XKR6: variants seen among roughly 807,000 people sequenced by gnomAD.
XKR6 encodes the protein XK related 6.
Under a neutral mutation model 56.7 loss-of-function variants are expected in XKR6, and 22 were observed. That is an observed-to-expected ratio of 0.39 (90% CI 0.28 to 0.55). The LOEUF (loss-of-function observed/expected upper bound fraction) is 0.55. Among genes scored for constraint, XKR6 ranks in the 20% least tolerant of loss-of-function variants. The pLI, the probability that XKR6 is intolerant of heterozygous loss-of-function variation, is 0.66. For missense variants in XKR6, 852 were observed against 889.0 expected (o/e 0.96, Z 0.53); for synonymous variants, 524 against 387.8 (o/e 1.35, Z -4.13).
In XKR6 at chr8:11,039,156, G is replaced by A. The variant is rs181303303; in HGVS notation, c.765-114326C>T. 1.1e-4 allele frequency among the ~76,000 whole-genome samples: 16 copies of A among 152,292 alleles called. No homozygotes were observed. In the South Asian group the frequency reaches 2.9e-3, roughly 28 times the overall value. Reference sequence around the variant, plus strand: ...GAGGACAAGAAGGGAAGCACACGCCGCCCCACTCAGCTGCCCTAGAAATGC... The same window carrying A: ...GAGGACAAGAAGGGAAGCACACGCCACCCCACTCAGCTGCCCTAGAAATGC... On this transcript the variant is annotated intron_variant, in intron 1 of 2. Coordinates refer to ENST00000416569, the MANE Select transcript of XKR6 (RefSeq NM_173683.4).
chr8:11,180,259 G>C (rs936685883), intron 1 of XKR6, among the ~76,000 whole-genome samples: 1 of 152,250 alleles, frequency 6.6e-6, no homozygotes, highest in African/African-American at 2.4e-5. Flanking sequence ...TTTCACAGAA[G>C]AGGTAACAAG....
intron 1 of XKR6, among the ~76,000 whole-genome samples, chr8:10,930,790 T>A (rs750042725): frequency 6.6e-6 from 1 of 152,214 alleles, no homozygotes; most frequent in Non-Finnish European, 1.5e-5. Flanking sequence ...CTTATGTAGA[T>A]AAAGGGCATT....
intron 1 of XKR6, among the ~76,000 whole-genome samples, chr8:11,146,296 A>ATT (rs966070501): frequency 1.3e-5 from 2 of 152,234 alleles, no homozygotes; most frequent in Non-Finnish European, 2.9e-5. Context: ...CTTGACAAAG[A>ATT]TTTCTAAAAT....
chr8:10,990,040 A>T (rs376963725), intron 1 of XKR6, among the ~76,000 whole-genome samples: 1 of 152,186 alleles, frequency 6.6e-6, no homozygotes, highest in African/African-American at 2.4e-5. Context: ...TGTGATCTAC[A>T]ATAGGTGGTC....
At chr8:11,045,437 C>T (rs1013588740) in intron 1 of XKR6, among the ~76,000 whole-genome samples, 2 of 152,084 alleles carry the variant, frequency 1.3e-5, no homozygotes, top group African/African-American at 4.8e-5. Flanking sequence ...TTTGATTGTC[C>T]CAATAATGCC....
At chr8:10,957,727 A>G (rs1801935731) in intron 1 of XKR6, among the ~76,000 whole-genome samples, 3 of 152,070 alleles carry the variant, frequency 2.0e-5, no homozygotes, top group African/African-American at 4.8e-5. Flanking sequence ...GGGCTCACCA[A>G]TGGGGGACCT....
intron 1 of XKR6, among the ~76,000 whole-genome samples, chr8:11,095,344 G>T (rs756391184): frequency 6.6e-6 from 1 of 152,194 alleles, no homozygotes; most frequent in African/African-American, 2.4e-5. Flanking sequence ...TAAATATATT[G>T]TATCTTCTAA....
intron 1 of XKR6, chr8:11,111,826 A>G (rs1798910936): frequency 6.6e-6 from 1 of 152,186 alleles, no homozygotes; most frequent in African/African-American, 2.4e-5. Context: ...GTTCCTAAAT[A>G]TGTCCAATAT....
At chr8:11,093,418 G>A (rs574531667) in intron 1 of XKR6, among the ~76,000 whole-genome samples, 19 of 152,294 alleles carry the variant, frequency 1.2e-4, no homozygotes, top group African/African-American at 4.1e-4. Flanking sequence ...CCCTTAGCAC[G>A]AAGATGGCTA....
intron 1 of XKR6, among the ~76,000 whole-genome samples, chr8:11,145,971 G>A (rs1348034711): frequency 6.6e-6 from 1 of 152,262 alleles, no homozygotes; most frequent in Middle Eastern, 3.4e-3. Context: ...AATAAAGACA[G>A]TGTGGTGTGG....
rs17152933 is a variant in XKR6 at position 11,153,667 on chromosome 8, T to C, written c.764+46909A>G. Among the ~76,000 whole-genome samples, 124 of 152,334 alleles carry C rather than the reference T, an allele frequency of 8.1e-4. 1 individual carries two copies. The East Asian group carries it at 0.016, about 20-fold the overall frequency. On this transcript the variant is annotated intron_variant, in intron 1 of 2. Coordinates refer to ENST00000416569, the MANE Select transcript of XKR6 (RefSeq NM_173683.4). ...TCTGTGATTTCCTCTTAATTGGTGG[T>C]AGCAGCAGTAATCCTCTAATTCTTA...
chr8:10,920,779 A>T (rs758433237), intron 2 of XKR6, among the ~76,000 whole-genome samples: 9 of 152,248 alleles, frequency 5.9e-5, no homozygotes, highest in Non-Finnish European at 1.2e-4. Context: ...AGCTGATGCT[A>T]TAGCCTCATT....
rs1194018211 is a variant in XKR6, at chr8:11,037,108, C to T, written c.765-112278G>A. On this transcript the variant is annotated intron_variant, in intron 1 of 2. Transcript: ENST00000416569. ...GATGCTACGTGACACAGAAATAACACAACACTTCTCAAATTTCTGCATCTG... is the reference window on the plus strand; with the variant it reads ...GATGCTACGTGACACAGAAATAACATAACACTTCTCAAATTTCTGCATCTG... Among the ~76,000 whole-genome samples the T allele has an allele frequency of 2.0e-5, 3 of 152,338 alleles. No individual in the cohort carries two copies. The South Asian group carries it at 6.2e-4, about 32-fold the overall frequency.
At chr8:10,942,466 A>G (rs1801412427) in intron 1 of XKR6, among the ~76,000 whole-genome samples, 1 of 152,058 alleles carries the variant, frequency 6.6e-6, no homozygotes, top group Admixed American at 6.6e-5. Context: ...TGCTCCCAGG[A>G]CTTCCTGCTC....
intron 1 of XKR6, chr8:11,062,865 T>G (rs1012401813): frequency 2.9e-5 from 13 of 455,992 alleles, no homozygotes; most frequent in African/African-American, 2.2e-4. Context: ...GGGAGGTGAG[T>G]GGAAGTGGGT....
chr8:11,009,644 C>T (rs766991812), intron 1 of XKR6, among the ~76,000 whole-genome samples: 1 of 152,178 alleles, frequency 6.6e-6, no homozygotes, highest in Non-Finnish European at 1.5e-5. Flanking sequence ...TCAAAACTGT[C>T]AAGCTTATCA....
intron 1 of XKR6, among the ~76,000 whole-genome samples, chr8:11,053,327 C>T (rs1196574767): frequency 1.3e-5 from 2 of 152,228 alleles, no homozygotes; most frequent in Non-Finnish European, 2.9e-5. Flanking sequence ...GTCTCCGGCC[C>T]AGCACGCTTA....
At chr8:10,903,885 C>T (rs1280216821) in intron 2 of XKR6, among the ~76,000 whole-genome samples, 2 of 152,204 alleles carry the variant, frequency 1.3e-5, no homozygotes, top group Non-Finnish European at 2.9e-5. Flanking sequence ...GCTGTGTGTT[C>T]TGTTACAGAA....
intron 1 of XKR6, among the ~76,000 whole-genome samples, chr8:11,017,083 A>T (rs1798642314): frequency 6.6e-6 from 1 of 152,222 alleles, no homozygotes; most frequent in Non-Finnish European, 1.5e-5. Context: ...GATTGATACG[A>T]TGTGGATGAT....
Sources: allele counts gnomAD v4.1 joint callset (sites outside exome capture counted in the v4.1 genomes callset), GRCh38; gene constraint gnomAD v4.1.1; transcripts MANE v1.5; gene names NCBI Gene and HGNC (gene_info 2026-07-23, HGNC 2026-07-21).